Variants in OR52A5 observed in about 807,000 individuals in gnomAD.
OR52A5 encodes olfactory receptor 52A5.
In OR52A5, 16 loss-of-function variants were observed where a neutral mutation model predicts 18.2. The ratio of observed to expected loss-of-function variants is 0.88; its 90% CI spans 0.60 to 1.34. The LOEUF (loss-of-function observed/expected upper bound fraction) is 1.34, where lower values mean the gene tolerates loss of function less well. OR52A5 is among the 40% of genes most tolerant of loss of function. The probability of loss-of-function intolerance (pLI) is 0.00; values close to 1 mark genes in which losing one functional copy is unlikely to be tolerated. For missense variants in OR52A5, 418 were observed against 383.0 expected (o/e 1.09, Z -0.76); for synonymous variants, 140 against 137.2 (o/e 1.02, Z -0.14).
Position 5,131,597 on chromosome 11 carries a change from T to G in OR52A5, c.*95A>C. The stretch of plus-strand genomic sequence containing the variant: ...CATAGCTAGAATTACAGGTATGTGT[T>G]GAGCTAGTAGTTTGAGAATATTGAT... On this transcript the variant is annotated 3_prime_UTR_variant, in exon 2 of 2. Coordinates refer to ENST00000307388, the MANE Select transcript of OR52A5 (RefSeq NM_001005160.3). 3 of 656,904 alleles carry G rather than the reference T, an allele frequency of 4.6e-6. No homozygotes were observed. The highest frequency in any genetic ancestry group is 1.8e-5 in the African/African-American group (1 of 54,950). The allele number at this position is 656,904 out of a possible 1,614,324, so 40.7% of individuals were successfully genotyped here. A position where few individuals can be genotyped will look rare whatever the true frequency, so the allele number is the denominator to read the frequency against.
rs1042526705 is a variant in OR52A5 at position 5,131,052 on chromosome 11, T to C, written c.*640A>G. 3.3e-5 allele frequency: 5 copies of C among 152,132 alleles called. No homozygotes were observed. 9.4% of individuals were successfully genotyped at this position (152,132 alleles called of 1,614,324 possible). On this transcript the variant is annotated 3_prime_UTR_variant, in exon 2 of 2. Transcript: ENST00000307388. ...TTTGTGGCTTTTGAATACCATTAAT[T>C]GACACAAAGAAAATGTTTACTCTGT... is the stretch of plus-strand genomic sequence containing the variant.
chr11:5,135,380 C>T (rs939147034), intron 1 of OR52A5, among the ~76,000 whole-genome samples: 1 of 152,052 alleles, frequency 6.6e-6, no homozygotes, highest in Non-Finnish European at 1.5e-5. Context: ...TATATGCTAC[C>T]TGTTTGATAT....
Position 5,131,459 on chromosome 11 carries a change from G to C in OR52A5, c.*233C>G. On this transcript the variant is annotated 3_prime_UTR_variant, in exon 2 of 2. Transcript: ENST00000307388. ...TTATGTTGTAGATATCGGTATTACTGATTTCATATTATTTTTATATTGATA... is the reference window on the plus strand; with the variant it reads ...TTATGTTGTAGATATCGGTATTACTCATTTCATATTATTTTTATATTGATA... 1 of 298,046 alleles carries C rather than the reference G, an allele frequency of 3.4e-6. No homozygotes were observed. The highest frequency in any genetic ancestry group is 6.3e-6 in the Non-Finnish European group (1 of 159,144). The allele number at this position is 298,046 out of a possible 1,614,324, so 18.5% of individuals were successfully genotyped here.
intron 1 of OR52A5, among the ~76,000 whole-genome samples, chr11:5,133,898 A>T (rs972042660): frequency 6.6e-6 from 1 of 152,132 alleles, no homozygotes; most frequent in Admixed American, 6.5e-5. Flanking sequence ...TACATCTTCT[A>T]TCTACTCAAA....
Position 5,130,475 on chromosome 11 carries a change from G to C in OR52A5, c.*1217C>G, listed in dbSNP as rs1227559412. On this transcript the variant is annotated 3_prime_UTR_variant, in exon 2 of 2. Coordinates refer to ENST00000307388, the MANE Select transcript of OR52A5 (RefSeq NM_001005160.3). The stretch of plus-strand genomic sequence containing the variant: ...CTGAAATATTTAATGCTCTAATCCA[G>C]AATTAAAATGGTTATTTCATTATTA... 1 of 151,628 alleles carries C rather than the reference G, an allele frequency of 6.6e-6. No individual in the cohort carries two copies. Among genetic ancestry groups the C allele is most frequent in the Non-Finnish European group, 1.5e-5 (1 of 67,870 alleles). 9.4% of individuals were successfully genotyped at this position (151,628 alleles called of 1,614,324 possible).
At chr11:5,134,333 A>G (rs989378280) in intron 1 of OR52A5, among the ~76,000 whole-genome samples, 12 of 152,152 alleles carry the variant, frequency 7.9e-5, no homozygotes, top group African/African-American at 2.9e-4. Flanking sequence ...TCAATTGTCT[A>G]TTTGTTTAAT....
At chr11:5,137,352 C>A (rs1846400894) in intron 1 of OR52A5, among the ~76,000 whole-genome samples, 1 of 152,184 alleles carries the variant, frequency 6.6e-6, no homozygotes. Flanking sequence ...TTCCAAGGAT[C>A]TGAAACTACT....
rs886216974 is a variant in OR52A5, at chr11:5,132,064, T to C, written c.579A>G (p.Glu193=). The C allele has an allele frequency of 3.7e-6, 6 of 1,614,100 alleles. No homozygotes were observed. Among genetic ancestry groups the C allele is most frequent in the Non-Finnish European group, 5.1e-6 (6 of 1,180,044 alleles). The change falls in exon 2 of 2, where the codon GAA becomes GAG. Residue 193 remains glutamate, a synonymous_variant. Transcript: ENST00000307388. Reference sequence around the variant, plus strand: ...CATATATCTTGTTGACTCGGATATCTTCAGTAGCCAGCTTCACGATGGCCA... The same window carrying C: ...CATATATCTTGTTGACTCGGATATCCTCAGTAGCCAGCTTCACGATGGCCA... ...EHMAIVKLAT[E]DIRVNKIYGL...
chr11:5,135,101 C>T (rs755014058), intron 1 of OR52A5, among the ~76,000 whole-genome samples: 98 of 152,096 alleles, frequency 6.4e-4, no homozygotes, highest in Non-Finnish European at 9.8e-4. Context: ...GTCTCAATCT[C>T]CTGACCTTGT....
chr11:5,132,026 G>T lies in OR52A5; in HGVS notation c.617C>A (p.Ala206Asp). The T allele has an allele frequency of 6.2e-7, 1 of 1,614,174 alleles. No individual in the cohort carries two copies. The highest frequency in any genetic ancestry group is 1.3e-5 in the African/African-American group (1 of 75,044). Residue 206 changes from alanine (A) to aspartate (D), a missense_variant, in exon 2 of 2, where the codon GCC (alanine) becomes GAC (aspartate). Coordinates refer to ENST00000307388, the MANE Select transcript of OR52A5 (RefSeq NM_001005160.3). ...TATGTCAAACCCTAGGATTGCAAAG[G>T]CAACAAATAGGCCATATATCTTGTT... The part of the protein sequence containing the change: ...RVNKIYGLFV[A>D]FAILGFDIIF...
At chr11:5,135,506 G>C (rs553743438) in intron 1 of OR52A5, among the ~76,000 whole-genome samples, 1 of 152,226 alleles carries the variant, frequency 6.6e-6, no homozygotes, top group East Asian at 1.9e-4. Flanking sequence ...AATTTAACCT[G>C]AAAGGCTGGT....
At chr11:5,134,062 A>T (rs1846369654) in intron 1 of OR52A5, among the ~76,000 whole-genome samples, 1 of 152,178 alleles carries the variant, frequency 6.6e-6, no homozygotes, top group African/African-American at 2.4e-5. Context: ...CCAGGGGACA[A>T]GTGTCAGTGT....
chr11:5,131,971 A>G lies in OR52A5; in HGVS notation c.672T>C (p.Ile224=). The change falls in exon 2 of 2, where the codon ATT becomes ATC. Residue 224 remains isoleucine, a synonymous_variant. Transcript: ENST00000307388. ...IIFITLSYVQ[I]FITVFQLPQK... ...GGGGCAGCTGAAAGACAGTGATAAA[A>G]ATTTGGACATAGGACAAGGTTATAA... is the stretch of plus-strand genomic sequence containing the variant. 2 of 1,614,216 alleles carry G rather than the reference A, an allele frequency of 1.2e-6. No homozygotes were observed. Among genetic ancestry groups the G allele is most frequent in the East Asian group, 4.5e-5 (2 of 44,884 alleles).
intron 1 of OR52A5, among the ~76,000 whole-genome samples, chr11:5,135,899 GC>G (rs1846388808): frequency 6.6e-6 from 1 of 152,062 alleles, no homozygotes; most frequent in South Asian, 2.1e-4. Flanking sequence ...TGCGTCCCAG[GC>G]CATGGTCACT....
At position 5,129,653 on chromosome 11, in the gene OR52A5, GTACAACCTCA is replaced by G. The variant is rs1846316436; in HGVS notation, c.*2029_*2038del. ...TGGAGCAGACTCTCAGAAACTACGT[GTACAACCTCA>G]TTTTGAGGCCAGGTCTTTTTTTATA... On this transcript the variant is annotated 3_prime_UTR_variant, in exon 2 of 2. Coordinates refer to ENST00000307388, the MANE Select transcript of OR52A5 (RefSeq NM_001005160.3). 6.6e-6 allele frequency: 1 copy of G among 151,978 alleles called. No individual in the cohort carries two copies. The highest frequency in any genetic ancestry group is 1.5e-5 in the Non-Finnish European group (1 of 68,008). The allele number at this position is 151,978 out of a possible 1,614,324, so 9.4% of individuals were successfully genotyped here. A position where few individuals can be genotyped will look rare whatever the true frequency, so the allele number is the denominator to read the frequency against.
rs561416898 is a variant in OR52A5, at chr11:5,132,616, G to C, written c.27C>G (p.Phe9Leu). The C allele has an allele frequency of 6.2e-7, 1 of 1,604,510 alleles. No individual in the cohort carries two copies. Among genetic ancestry groups the C allele is most frequent in the East Asian group, 2.2e-5 (1 of 44,788 alleles). Residue 9 changes from phenylalanine to leucine, a missense_variant, in exon 2 of 2, where the codon TTC (phenylalanine) becomes TTG (leucine). Phe to Leu is a conservative substitution (Grantham distance 22). Transcript: ENST00000307388. ...CAATTAGTATAAACGCAGAGGGCAT[G>C]AAGACTGAGCCATTGAATGTCGGCA... The part of the protein sequence containing the change: MPTFNGSV[F>L]MPSAFILIGI...
In OR52A5 at chr11:5,131,946, G is replaced by T. The variant is rs756149713; in HGVS notation, c.697C>A (p.Gln233Lys). The change falls in exon 2 of 2, where the codon CAG becomes AAG. Residue 233 changes from glutamine to lysine, a missense_variant. By Grantham distance (53) the Gln-to-Lys change is moderately conservative. Transcript: ENST00000307388. Reference sequence around the variant, plus strand: ...AAGGCCTTGAATCGTGCCTCCTTCTGGGGCAGCTGAAAGACAGTGATAAAA... The same window carrying T: ...AAGGCCTTGAATCGTGCCTCCTTCTTGGGCAGCTGAAAGACAGTGATAAAA... Reference protein sequence around the residue: ...QIFITVFQLPQKEARFKAFNT... With the variant: ...QIFITVFQLPKKEARFKAFNT... 6.2e-7 allele frequency: 1 copy of T among 1,614,120 alleles called. No homozygotes were observed. The highest frequency in any genetic ancestry group is 8.5e-7 in the Non-Finnish European group (1 of 1,180,002).
Position 5,129,483 on chromosome 11 carries a change from T to G in OR52A5, c.*2209A>C, listed in dbSNP as rs563245471. 6.6e-6 allele frequency: 1 copy of G among 152,130 alleles called. No individual in the cohort carries two copies. The highest frequency in any genetic ancestry group is 2.4e-5 in the African/African-American group (1 of 41,432). 9.4% of individuals were successfully genotyped at this position (152,130 alleles called of 1,614,324 possible). A position where few individuals can be genotyped will look rare whatever the true frequency, so the allele number is the denominator to read the frequency against. On this transcript the variant is annotated 3_prime_UTR_variant, in exon 2 of 2. Coordinates refer to ENST00000307388, the MANE Select transcript of OR52A5 (RefSeq NM_001005160.3). ...GCCCTCAAACAATTTATTCTTGGAA[T>G]AAATTTCTCTTTTTAAGATGTTCAT...
At position 5,133,485 on chromosome 11, in the gene OR52A5, T is replaced by C. The variant is rs185764220; in HGVS notation, c.-60-783A>G. Reference sequence around the variant, plus strand: ...TTTGAAATCCACTGGCTGTTTTTTTTTTTTTTCCAGGTTAGGTTTTTTGTA... The same window carrying C: ...TTTGAAATCCACTGGCTGTTTTTTTCTTTTTTCCAGGTTAGGTTTTTTGTA... On this transcript the variant is annotated intron_variant, in intron 1 of 1. Transcript: ENST00000307388. Among the ~76,000 whole-genome samples the C allele has an allele frequency of 5.9e-3, 900 of 151,402 alleles. 16 individuals are homozygous for C. The highest frequency in any genetic ancestry group is 0.021 in the African/African-American group (856 of 41,428).
Sources: allele counts gnomAD v4.1 joint callset (sites outside exome capture counted in the v4.1 genomes callset), GRCh38; gene constraint gnomAD v4.1.1; transcripts MANE v1.5; gene names NCBI Gene and HGNC (gene_info 2026-07-23, HGNC 2026-07-21).